Variants in GNA13 observed in about 807,000 individuals in gnomAD.
The protein encoded by GNA13 is G protein subunit alpha 13, also known as guanine nucleotide-binding protein subunit alpha-13.
Under a neutral mutation model 33.5 loss-of-function variants are expected in GNA13, and 4 were observed. The ratio of observed to expected loss-of-function variants is 0.12; its 90% CI spans 0.06 to 0.27. The LOEUF (loss-of-function observed/expected upper bound fraction) is 0.27. Ranked by LOEUF, GNA13 falls within the 10% of genes least tolerant of loss-of-function variation. GNA13 has a pLI of 1.00. For synonymous variants in GNA13, 176 were observed against 183.8 expected, an observed-to-expected ratio of 0.96 and a Z score of 0.34; for missense variants, 319 against 487.2, an observed-to-expected ratio of 0.65 and a Z score of 3.25.
intron 2 of GNA13, among the ~76,000 whole-genome samples, chr17:65,046,842 A>C (rs1258277560): frequency 6.6e-6 from 1 of 152,214 alleles, no homozygotes; most frequent in African/African-American, 2.4e-5. Flanking sequence ...TTGTGCCCCT[A>C]GCTTTGTTTA....
chr17:65,055,526 GC>G, intron 1 of GNA13: 2 of 767,530 alleles, frequency 2.6e-6, no homozygotes, highest in Non-Finnish European at 3.2e-6. Flanking sequence ...CTTCCTGCCA[GC>G]CCCCAGTTAC....
chr17:65,014,113 A>G lies in GNA13; in HGVS notation c.*144T>C. 3 of 610,450 alleles carry G rather than the reference A, an allele frequency of 4.9e-6. No homozygotes were observed. In the East Asian group the frequency reaches 8.2e-5, roughly 17 times the overall value. 37.8% of individuals were successfully genotyped at this position (610,450 alleles called of 1,614,324 possible). On this transcript the variant is annotated 3_prime_UTR_variant, in exon 4 of 4. Coordinates refer to ENST00000439174, the MANE Select transcript of GNA13 (RefSeq NM_006572.6). This position sits in a 1 kb window ranked among gnomAD's most constrained non-coding sequence, Gnocchi z 5.3. ...CTTTCAGCCACAAACCAAAGGCCGC[A>G]GAAAAAGTACTAAGATTTTCAAGAA...
intron 2 of GNA13, among the ~76,000 whole-genome samples, chr17:65,043,330 C>T (rs1037083084): frequency 6.6e-6 from 1 of 151,478 alleles, no homozygotes; most frequent in Non-Finnish European, 1.5e-5. Flanking sequence ...CTCTGTCTCC[C>T]AGGCTGGAGT....
At chr17:65,049,741 C>T (rs1484246873) in intron 2 of GNA13, among the ~76,000 whole-genome samples, 1 of 152,190 alleles carries the variant, frequency 6.6e-6, no homozygotes, top group African/African-American at 2.4e-5. Context: ...CCACCTATGG[C>T]TATTTGCTGA....
intron 2 of GNA13, among the ~76,000 whole-genome samples, chr17:65,045,290 C>T (rs1907618087): frequency 6.6e-6 from 1 of 151,954 alleles, no homozygotes; most frequent in South Asian, 2.1e-4. Flanking sequence ...GAGGCTAAGA[C>T]ATGCAGATTA....
intron 2 of GNA13, among the ~76,000 whole-genome samples, chr17:65,030,138 T>C (rs1434706984): frequency 6.6e-6 from 1 of 152,206 alleles, no homozygotes; most frequent in East Asian, 1.9e-4. Context: ...ATAAAAGTGA[T>C]AAAGTATCCT....
At chr17:65,028,972 GA>G (rs199576757) in intron 2 of GNA13, among the ~76,000 whole-genome samples, 4 of 149,946 alleles carry the variant, frequency 2.7e-5, no homozygotes, top group Non-Finnish European at 5.9e-5. Context: ...AAAAGAAAAA[GA>G]AAAAAAAAGG....
intron 2 of GNA13, among the ~76,000 whole-genome samples, chr17:65,021,154 ATATT>A (rs985878633): frequency 6.6e-6 from 1 of 152,198 alleles, no homozygotes; most frequent in African/African-American, 2.4e-5. Context: ...AGCCTTGTGG[ATATT>A]TCAGTTCCAT....
intron 2 of GNA13, among the ~76,000 whole-genome samples, chr17:65,039,629 A>G (rs996021451): frequency 3.3e-5 from 5 of 152,140 alleles, no homozygotes; most frequent in African/African-American, 7.2e-5. Context: ...TTTCTCATCC[A>G]TGGGATCTGA....
chr17:65,055,698 G>C (rs1908023973), intron 1 of GNA13: 1 of 985,146 alleles, frequency 1.0e-6, no homozygotes, highest in Non-Finnish European at 1.2e-6. Flanking sequence ...CACTCCTCAA[G>C]TTTCATATTC....
intron 2 of GNA13, among the ~76,000 whole-genome samples, chr17:65,020,612 G>A (rs1906547713): frequency 6.6e-6 from 1 of 151,922 alleles, no homozygotes; most frequent in Non-Finnish European, 1.5e-5. Flanking sequence ...GTAACTTGAG[G>A]CTCTCATATT....
At chr17:65,019,096 G>A (rs1222930818) in intron 2 of GNA13, among the ~76,000 whole-genome samples, 1 of 152,084 alleles carries the variant, frequency 6.6e-6, no homozygotes, top group Non-Finnish European at 1.5e-5. Flanking sequence ...CTACTTCCAA[G>A]TGTTCCTGAA....
intron 2 of GNA13, among the ~76,000 whole-genome samples, chr17:65,031,006 A>G (rs1451874115): frequency 6.6e-6 from 1 of 152,242 alleles, no homozygotes; most frequent in East Asian, 1.9e-4. Context: ...TTCTTCTGAA[A>G]CCTAAGTATA....
rs1012960298 is a variant in GNA13, at chr17:65,051,071, A to T, written c.510+2431T>A. Among the ~76,000 whole-genome samples, 12 of 152,344 alleles carry T rather than the reference A, an allele frequency of 7.9e-5. No homozygotes were observed. In the East Asian group the frequency reaches 2.1e-3, roughly 27 times the overall value. On this transcript the variant is annotated intron_variant, in intron 2 of 3. Transcript: ENST00000439174. ...ACAGTTAGACGTCAGCTTCCAAATT[A>T]AAAAACTGTCCATGAAACACAACTT...
At chr17:65,053,864 G>A in intron 1 of GNA13, 136 bp from the exon 2 acceptor site, 2 of 609,478 alleles carry the variant, frequency 3.3e-6, no homozygotes, top group Non-Finnish European at 5.8e-6. Flanking sequence ...GACCAACATC[G>A]AAAACAAATG....
rs140040182 is a variant in GNA13 at position 65,046,624 on chromosome 17, C to A, written c.510+6878G>T. Among the ~76,000 whole-genome samples, 355 of 152,344 alleles carry A rather than the reference C, an allele frequency of 2.3e-3. 2 individuals carry two copies. Among genetic ancestry groups the A allele is most frequent in the African/African-American group, 7.6e-3 (318 of 41,576 alleles). Reference sequence around the variant, plus strand: ...CCCCAACTTGGTTGGCTGCGCATATCTGTGAAAGATAAGCAGGGAACATTC... The same window carrying A: ...CCCCAACTTGGTTGGCTGCGCATATATGTGAAAGATAAGCAGGGAACATTC... On this transcript the variant is annotated intron_variant, in intron 2 of 3. Transcript: ENST00000439174.
chr17:65,040,415 T>C (rs958040375), intron 2 of GNA13, among the ~76,000 whole-genome samples: 1 of 152,254 alleles, frequency 6.6e-6, no homozygotes, highest in African/African-American at 2.4e-5. Context: ...TATTATAATA[T>C]TTTTAACTGA....
chr17:65,051,806 G>A (rs1003521263), intron 2 of GNA13: 3 of 152,168 alleles, frequency 2.0e-5, no homozygotes, highest in African/African-American at 7.2e-5. Context: ...AATACTGGCA[G>A]CTACGTAATT....
intron 2 of GNA13, among the ~76,000 whole-genome samples, chr17:65,030,901 G>T (rs905931141): frequency 3.9e-5 from 6 of 152,032 alleles, no homozygotes; most frequent in African/African-American, 1.5e-4. Flanking sequence ...TAGTTATGAG[G>T]CTAACATCAC....
Sources: allele counts gnomAD v4.1 joint callset (sites outside exome capture counted in the v4.1 genomes callset), GRCh38; gene constraint gnomAD v4.1.1; non-coding constraint Gnocchi (gnomAD v3.1); transcripts MANE v1.5; gene names NCBI Gene and HGNC (gene_info 2026-07-23, HGNC 2026-07-21).